The following GDA variants were observed in gnomAD, a reference collection of about 807,000 sequenced individuals.
The protein encoded by GDA is guanine deaminase, also known as cytoplasmic PSD-95 interactor.
A neutral mutation model predicts 59.6 loss-of-function variants in GDA; 18 were observed. The observed-to-expected ratio is 0.30, with a 90% CI of 0.21 to 0.45. GDA has a LOEUF of 0.45. GDA is among the 20% of genes least tolerant of loss of function. The probability of loss-of-function intolerance (pLI) is 1.00; values close to 1 mark genes in which losing one functional copy is unlikely to be tolerated. For missense variants in GDA, 427 were observed against 552.3 expected (o/e 0.77, Z 2.27); for synonymous variants, 201 against 201.1 (o/e 1.00, Z 0.00).
chr9:72,201,142 T>C (rs568236771), intron 2 of GDA, among the ~76,000 whole-genome samples: 1 of 152,194 alleles, frequency 6.6e-6, no homozygotes, highest in East Asian at 1.9e-4. Flanking sequence ...GACAGCCCTA[T>C]GATGCTACTA....
In GDA at chr9:72,250,003, A is replaced by T; in HGVS notation, c.*1661A>T. 1 of 958,232 alleles carries T rather than the reference A, an allele frequency of 1.0e-6. No individual in the cohort carries two copies. Among genetic ancestry groups the T allele is most frequent in the African/African-American group, 1.8e-5 (1 of 56,838 alleles). 59.4% of individuals were successfully genotyped at this position (958,232 alleles called of 1,614,324 possible). Reference sequence around the variant, plus strand: ...AAAGTTAGTTTTATTTTTTTAATAAACAACAGAGTTTGTTTTGTGAGATAA... The same window carrying T: ...AAAGTTAGTTTTATTTTTTTAATAATCAACAGAGTTTGTTTTGTGAGATAA... On this transcript the variant is annotated 3_prime_UTR_variant, in exon 14 of 14. Transcript: ENST00000358399.
intron 1 of GDA, among the ~76,000 whole-genome samples, chr9:72,164,723 C>A (rs932029844): frequency 1.3e-5 from 2 of 151,272 alleles, no homozygotes; most frequent in East Asian, 3.9e-4. Flanking sequence ...GTGGCTCACG[C>A]CTGTAATCCC....
At chr9:72,118,544 A>G (rs978077748) in intron 1 of GDA, among the ~76,000 whole-genome samples, 1 of 152,202 alleles carries the variant, frequency 6.6e-6, no homozygotes, top group African/African-American at 2.4e-5. Flanking sequence ...AATAGAAAAG[A>G]AAAATAAAGC....
At chr9:72,217,342 T>C (rs1836261815) in intron 5 of GDA, among the ~76,000 whole-genome samples, 1 of 152,210 alleles carries the variant, frequency 6.6e-6, no homozygotes, top group Non-Finnish European at 1.5e-5. Flanking sequence ...TGTGGTACAG[T>C]AGTGCTTCTC....
chr9:72,152,604 G>C (rs1297611071), intron 1 of GDA, among the ~76,000 whole-genome samples: 2 of 152,142 alleles, frequency 1.3e-5, no homozygotes, highest in Non-Finnish European at 2.9e-5. Context: ...AGAAGTGTCT[G>C]TTCATATCCT....
At chr9:72,199,946 G>A (rs954773284) in intron 2 of GDA, among the ~76,000 whole-genome samples, 1 of 150,444 alleles carries the variant, frequency 6.6e-6, no homozygotes, top group Non-Finnish European at 1.5e-5. Flanking sequence ...CTCTGGCATC[G>A]CCAACTTCTA....
intron 1 of GDA, among the ~76,000 whole-genome samples, chr9:72,163,156 G>T (rs1333213228): frequency 6.6e-6 from 1 of 152,148 alleles, no homozygotes; most frequent in African/African-American, 2.4e-5. Flanking sequence ...AATGGGATTT[G>T]ATGACAAAAA....
chr9:72,178,779 G>A (rs1383761842), intron 1 of GDA, among the ~76,000 whole-genome samples: 1 of 152,140 alleles, frequency 6.6e-6, no homozygotes. Flanking sequence ...GGTCCTCGCT[G>A]TAATCAAGTC....
chr9:72,182,424 T>C (rs1268831341), intron 1 of GDA, among the ~76,000 whole-genome samples: 1 of 152,246 alleles, frequency 6.6e-6, no homozygotes, highest in Admixed American at 6.5e-5. Flanking sequence ...AATTTGGGTT[T>C]GTCTGATGTT....
At chr9:72,174,994 C>G (rs1231784132) in intron 1 of GDA, among the ~76,000 whole-genome samples, 1 of 151,858 alleles carries the variant, frequency 6.6e-6, no homozygotes, top group Non-Finnish European at 1.5e-5. Flanking sequence ...TGAAATGGGA[C>G]CAGGTGGAGC....
Position 72,125,846 on chromosome 9 carries a change from A to T in GDA, c.-100+11013A>T, listed in dbSNP as rs530262807. Reference sequence around the variant, plus strand: ...CAGTTATTTATAAGGAAAATATATTATATAATATTACATAGTAGATATGGC... The same window carrying T: ...CAGTTATTTATAAGGAAAATATATTTTATAATATTACATAGTAGATATGGC... On this transcript the variant is annotated intron_variant, in intron 1 of 13. Transcript: ENST00000545168. 1.3e-4 allele frequency among the ~76,000 whole-genome samples: 20 copies of T among 152,288 alleles called. No individual in the cohort carries two copies. The South Asian group carries it at 3.5e-3, about 27-fold the overall frequency.
chr9:72,194,332 C>T (rs1021632094), intron 1 of GDA, among the ~76,000 whole-genome samples: 4 of 152,106 alleles, frequency 2.6e-5, no homozygotes, highest in Admixed American at 2.6e-4. Flanking sequence ...GGTGACGAAT[C>T]CTACCAGGAC....
intron 1 of GDA, among the ~76,000 whole-genome samples, chr9:72,191,382 G>C (rs768475975): frequency 6.6e-6 from 1 of 152,044 alleles, no homozygotes; most frequent in Admixed American, 6.6e-5. Flanking sequence ...TGAAATAATA[G>C]ATAGTGAAAT....
At chr9:72,209,872 G>C (rs922269261) in intron 3 of GDA, among the ~76,000 whole-genome samples, 1 of 152,090 alleles carries the variant, frequency 6.6e-6, no homozygotes, top group Non-Finnish European at 1.5e-5. Flanking sequence ...AGTAGTACAC[G>C]TGGTATTCTG....
chr9:72,178,202 A>T (rs529704729), intron 1 of GDA, among the ~76,000 whole-genome samples: 2 of 152,278 alleles, frequency 1.3e-5, no homozygotes, highest in Non-Finnish European at 2.9e-5. Flanking sequence ...TTATGTATGT[A>T]ATGATTTGTG....
chr9:72,220,875 C>T (rs1040019428), intron 6 of GDA, among the ~76,000 whole-genome samples: 1 of 152,102 alleles, frequency 6.6e-6, no homozygotes, highest in African/African-American at 2.4e-5. Flanking sequence ...TATTGTGGTC[C>T]CCTGGTGTTG....
chr9:72,160,445 C>T (rs1247385792), intron 1 of GDA, among the ~76,000 whole-genome samples: 9 of 152,172 alleles, frequency 5.9e-5, no homozygotes, highest in Admixed American at 4.6e-4. Context: ...TATCCACTTG[C>T]CTATTCTGGA....
chr9:72,137,380 G>A (rs1335835571), intron 1 of GDA, among the ~76,000 whole-genome samples: 2 of 150,576 alleles, frequency 1.3e-5, no homozygotes, highest in Admixed American at 6.7e-5. Context: ...CCGAGTAGCT[G>A]GGACTACAGT....
intron 8 of GDA, among the ~76,000 whole-genome samples, chr9:72,226,825 T>A (rs1837648665): frequency 1.3e-5 from 2 of 152,168 alleles, no homozygotes; most frequent in Admixed American, 1.3e-4. Flanking sequence ...ATAATAATTC[T>A]GTAGTCACTG....
Sources: gnomAD v4.1 joint callset for allele counts (sites outside exome capture counted in the v4.1 genomes callset) on GRCh38, gnomAD v4.1.1 for gene constraint, MANE v1.5 for transcripts, NCBI Gene and HGNC (gene_info 2026-07-23, HGNC 2026-07-21) for gene names.